Variants in DCC observed in about 807,000 individuals in gnomAD.
The protein encoded by DCC is netrin receptor DCC.
In DCC, 58 loss-of-function variants were observed where a neutral mutation model predicts 172.5. That is an observed-to-expected ratio of 0.34 (90% CI 0.27 to 0.42). The LOEUF is 0.42. Among genes scored for constraint, DCC ranks in the 10% least tolerant of loss-of-function variants. The pLI, the probability that DCC is intolerant of heterozygous loss-of-function variation, is 1.00. For missense variants in DCC, 1,740 were observed against 1,791.0 expected, an observed-to-expected ratio of 0.97 and a Z score of 0.51; for synonymous variants, 709 against 644.5, an observed-to-expected ratio of 1.10 and a Z score of -1.52.
At position 53,129,429 on chromosome 18, in the gene DCC, G is replaced by A. The variant is rs182033588; in HGVS notation, c.1262-27927G>A. On this transcript the variant is annotated intron_variant, in intron 7 of 28. Coordinates refer to ENST00000442544, the MANE Select transcript of DCC (RefSeq NM_005215.4). ...AAATATCATCCAAAATAAGACATAG[G>A]GCATTTTTATTCCTCTAGAAAGTTC... Among the ~76,000 whole-genome samples the A allele has an allele frequency of 2.3e-3, 348 of 151,732 alleles. 1 individual carries two copies. The highest frequency in any genetic ancestry group is 3.9e-3 in the Non-Finnish European group (267 of 67,912).
intron 1 of DCC, among the ~76,000 whole-genome samples, chr18:52,511,295 A>G (rs969688845): frequency 6.6e-5 from 10 of 151,528 alleles, no homozygotes; most frequent in Non-Finnish European, 1.3e-4. Context: ...AAAAAAAAAA[A>G]AAAGAAAGAA....
chr18:53,027,877 C>A (rs1163791352), intron 5 of DCC, among the ~76,000 whole-genome samples: 1 of 151,666 alleles, frequency 6.6e-6, no homozygotes, highest in African/African-American at 2.4e-5. Flanking sequence ...GAGACAGTGG[C>A]ATTATAAAGG....
intron 27 of DCC, among the ~76,000 whole-genome samples, chr18:53,525,951 T>G (rs2046449680): frequency 6.6e-6 from 1 of 152,102 alleles, no homozygotes; most frequent in Admixed American, 6.6e-5. Flanking sequence ...AAATTTCAGT[T>G]TCCTCCAAAA....
intron 15 of DCC, among the ~76,000 whole-genome samples, chr18:53,362,263 A>C (rs1208456787): frequency 6.6e-6 from 1 of 152,228 alleles, no homozygotes; most frequent in Non-Finnish European, 1.5e-5. Context: ...AGCATGGATA[A>C]ATATTTTGTC....
intron 26 of DCC, among the ~76,000 whole-genome samples, chr18:53,492,078 T>C (rs188501634): frequency 6.2e-4 from 95 of 152,372 alleles, no homozygotes; most frequent in Non-Finnish European, 1.3e-3. Context: ...ATGAGCATTT[T>C]TTCATATGTT....
intron 21 of DCC, among the ~76,000 whole-genome samples, chr18:53,428,045 A>G (rs1911138440): frequency 2.7e-5 from 1 of 37,176 alleles, no homozygotes; most frequent in South Asian, 5.9e-4. Flanking sequence ...ATATAATAAT[A>G]TATTATAATA....
intron 9 of DCC, among the ~76,000 whole-genome samples, chr18:53,200,130 T>C (rs1442629048): frequency 6.6e-6 from 1 of 152,162 alleles, no homozygotes; most frequent in Non-Finnish European, 1.5e-5. Context: ...GGATTGGCAG[T>C]ACCAGTGTAA....
intron 2 of DCC, among the ~76,000 whole-genome samples, chr18:52,868,099 A>G (rs924104943): frequency 2.0e-5 from 3 of 150,356 alleles, no homozygotes; most frequent in South Asian, 2.1e-4. Context: ...GTATATATAT[A>G]TGTGTATATT....
intron 5 of DCC, among the ~76,000 whole-genome samples, chr18:53,004,879 C>T (rs1042494458): frequency 8.5e-5 from 13 of 152,268 alleles, no homozygotes; most frequent in African/African-American, 3.1e-4. Context: ...CTCCAAAGTT[C>T]ATATGTTGGA....
At chr18:52,388,500 A>G (rs1985905225) in intron 1 of DCC, among the ~76,000 whole-genome samples, 1 of 150,058 alleles carries the variant, frequency 6.7e-6, no homozygotes, top group Admixed American at 6.6e-5. Context: ...TTCCTTTATA[A>G]GTGCCACTTT....
intron 28 of DCC, among the ~76,000 whole-genome samples, chr18:53,529,233 G>A (rs910703365): frequency 6.6e-6 from 1 of 152,060 alleles, no homozygotes. Context: ...TACATTTTGA[G>A]CTGTTTTTTC....
chr18:52,812,694 A>T (rs1050872831), intron 2 of DCC, among the ~76,000 whole-genome samples: 3 of 152,232 alleles, frequency 2.0e-5, no homozygotes, highest in African/African-American at 7.2e-5. Context: ...AATAGTGCTT[A>T]AGAATTTACA....
At chr18:53,201,134 T>A (rs2055530355) in intron 9 of DCC, among the ~76,000 whole-genome samples, 1 of 152,140 alleles carries the variant, frequency 6.6e-6, no homozygotes, top group Non-Finnish European at 1.5e-5. Context: ...TTCCCCCAGA[T>A]ACCCACTCAT....
At chr18:52,503,558 G>A (rs895127390) in intron 1 of DCC, among the ~76,000 whole-genome samples, 1 of 152,142 alleles carries the variant, frequency 6.6e-6, no homozygotes, top group Non-Finnish European at 1.5e-5. Flanking sequence ...AGCATATTTT[G>A]TGTTCTCCGT....
At chr18:52,812,298 TC>T (rs2038216570) in intron 2 of DCC, among the ~76,000 whole-genome samples, 1 of 152,232 alleles carries the variant, frequency 6.6e-6, no homozygotes, top group African/African-American at 2.4e-5. Context: ...AATGTTATTT[TC>T]CCTTTCCAAT....
At chr18:52,575,064 T>C (rs1170146288) in intron 1 of DCC, among the ~76,000 whole-genome samples, 1 of 152,180 alleles carries the variant, frequency 6.6e-6, no homozygotes, top group Non-Finnish European at 1.5e-5. Flanking sequence ...TTAAGAGTCA[T>C]AGCTAATCAT....
rs190757848 is a variant in DCC, at chr18:52,858,600, C to T, written c.413-47444C>T. 3.3e-5 allele frequency among the ~76,000 whole-genome samples: 5 copies of T among 152,292 alleles called. No individual in the cohort carries two copies. The East Asian group carries it at 9.6e-4, about 29-fold the overall frequency. ...TTCTGGGTCCCCCGTGTATCTGCAA[C>T]CTGACCTTTCTGAGGCTTGAAACCA... is the stretch of plus-strand genomic sequence containing the variant. On this transcript the variant is annotated intron_variant, in intron 2 of 28. Transcript: ENST00000442544.
chr18:52,564,025 G>T (rs1022375679), intron 1 of DCC, among the ~76,000 whole-genome samples: 5 of 152,100 alleles, frequency 3.3e-5, no homozygotes. Flanking sequence ...GCATGTTGCT[G>T]GTTGTTACAT....
Position 52,340,469 on chromosome 18 carries a change from T to G in DCC, c.-319T>G. 2.2e-6 allele frequency: 1 copy of G among 451,658 alleles called. No individual in the cohort carries two copies. Among genetic ancestry groups the G allele is most frequent in the Non-Finnish European group, 4.1e-6 (1 of 244,086 alleles). 28.0% of individuals were successfully genotyped at this position (451,658 alleles called of 1,614,324 possible). Reference sequence around the variant, plus strand: ...ATGACTTGCGAGCCCCTCAGAGAGCTGTCTTCCCTCCTCTGGCTCCCTCCG... The same window carrying G: ...ATGACTTGCGAGCCCCTCAGAGAGCGGTCTTCCCTCCTCTGGCTCCCTCCG... On this transcript the variant is annotated 5_prime_UTR_variant, in exon 1 of 29. Coordinates refer to ENST00000442544, the MANE Select transcript of DCC (RefSeq NM_005215.4).
Sources: gnomAD v4.1 joint callset for allele counts (sites outside exome capture counted in the v4.1 genomes callset) on GRCh38, gnomAD v4.1.1 for gene constraint, MANE v1.5 for transcripts, NCBI Gene and HGNC (gene_info 2026-07-23, HGNC 2026-07-21) for gene names.